The following TM4SF5 variants were observed in gnomAD, a reference collection of about 807,000 sequenced individuals.
TM4SF5 encodes the protein transmembrane 4 L6 family member 5.
A neutral mutation model predicts 22.3 loss-of-function variants in TM4SF5; 16 were observed. That is an observed-to-expected ratio of 0.72 (90% CI 0.49 to 1.09). The LOEUF (loss-of-function observed/expected upper bound fraction) is 1.09. Ranked by LOEUF, TM4SF5 falls within the 50% of genes least tolerant of loss-of-function variation. The pLI is 0.00. For synonymous variants in TM4SF5, 113 were observed against 109.6 expected (o/e 1.03, Z -0.19); for missense variants, 249 against 266.1 (o/e 0.94, Z 0.45).
intron 1 of TM4SF5, among the ~76,000 whole-genome samples, chr17:4,778,952 G>A (rs1189421939): frequency 1.3e-5 from 2 of 151,720 alleles, no homozygotes; most frequent in East Asian, 3.9e-4. Context: ...AGCTACTCAG[G>A]AGGCTGAGGC....
At chr17:4,776,137 C>T (rs1229486428) in intron 1 of TM4SF5, among the ~76,000 whole-genome samples, 1 of 152,150 alleles carries the variant, frequency 6.6e-6, no homozygotes, top group Non-Finnish European at 1.5e-5. Context: ...GCGTGAGCCA[C>T]CGCGCCTGGC....
Position 4,782,573 on chromosome 17 carries a change from C to G in TM4SF5, c.329C>G (p.Ala110Gly). 1 of 1,614,116 alleles carries G rather than the reference C, an allele frequency of 6.2e-7. No individual in the cohort carries two copies. The highest frequency in any genetic ancestry group is 8.5e-7 in the Non-Finnish European group (1 of 1,180,008). Reference sequence around the variant, plus strand: ...ATCTACTGCCTCTCGGTGTCTGGAGCTGGGCTCCGAAATGGACCCAGATGC... The same window carrying G: ...ATCTACTGCCTCTCGGTGTCTGGAGGTGGGCTCCGAAATGGACCCAGATGC... ...GAIYCLSVSG[A>G]GLRNGPRCLM... is the part of the protein sequence containing the mutation. The change falls in exon 3 of 5, where the codon GCT becomes GGT. Residue 110 changes from alanine (A) to glycine (G), a missense_variant. Ala to Gly is a moderately conservative substitution (Grantham distance 60, BLOSUM62 0). Transcript: ENST00000270560.
chr17:4,776,753 A>T (rs1426486864), intron 1 of TM4SF5, among the ~76,000 whole-genome samples: 1 of 152,222 alleles, frequency 6.6e-6, no homozygotes, highest in Non-Finnish European at 1.5e-5. Context: ...GATTCTTAAG[A>T]CATGCAAGTA....
At chr17:4,776,138 C>T (rs78694240) in intron 1 of TM4SF5, among the ~76,000 whole-genome samples, 1 of 152,088 alleles carries the variant, frequency 6.6e-6, no homozygotes, top group South Asian at 2.1e-4. Context: ...CGTGAGCCAC[C>T]GCGCCTGGCC....
At chr17:4,775,510 C>T (rs909619740) in intron 1 of TM4SF5, among the ~76,000 whole-genome samples, 4 of 151,900 alleles carry the variant, frequency 2.6e-5, no homozygotes, top group African/African-American at 7.3e-5. Flanking sequence ...GTGATCCACC[C>T]GCCTCGGCCT....
rs749853022 is a variant in TM4SF5, at chr17:4,772,021, G to A, written c.99G>A (p.Gly33=). The A allele has an allele frequency of 7.4e-6, 12 of 1,614,068 alleles. No individual in the cohort carries two copies. The highest frequency in any genetic ancestry group is 1.3e-5 in the African/African-American group (1 of 74,926). Residue 33 remains glycine, a synonymous_variant, in exon 1 of 5, where the codon GGG becomes GGA. Coordinates refer to ENST00000270560, the MANE Select transcript of TM4SF5 (RefSeq NM_003963.3). ...ACGCCCTCCTGCTGGTACCTAATGG[G>A]GAGACCTCCTGGACCAACACCAACC... ...VANALLLVPN[G]ETSWTNTNHL...
At chr17:4,772,203 G>T in intron 1 of TM4SF5, 104 bp downstream of exon 1, 1 of 1,444,350 alleles carries the variant, frequency 6.9e-7, no homozygotes. Context: ...TTGCTTGGGA[G>T]AGGATGGCAA....
intron 1 of TM4SF5, among the ~76,000 whole-genome samples, chr17:4,775,555 C>T (rs372152084): frequency 1.9e-4 from 29 of 152,042 alleles, no homozygotes; most frequent in Non-Finnish European, 2.2e-4. Context: ...TGAGCCACCG[C>T]GCCATGCCCT....
chr17:4,772,153 G>A, intron 1 of TM4SF5, 54 bp downstream of exon 1: 1 of 1,602,044 alleles, frequency 6.2e-7, no homozygotes, highest in Non-Finnish European at 8.5e-7. Context: ...CACCTAAGGG[G>A]TTCTGAACAG....
At chr17:4,782,822 C>G (rs769188504) in intron 3 of TM4SF5, 32 bp from the exon 4 acceptor site, 1 of 1,597,992 alleles carries the variant, frequency 6.3e-7, no homozygotes, top group Admixed American at 1.7e-5. Flanking sequence ...GCGCACGCTG[C>G]CTTCTCCCAC....
chr17:4,780,098 C>T (rs532132627), intron 1 of TM4SF5, among the ~76,000 whole-genome samples: 2 of 150,054 alleles, frequency 1.3e-5, no homozygotes, highest in South Asian at 2.1e-4. Context: ...TCTTATTGCC[C>T]GGGTTGGAGT....
At chr17:4,778,930 G>T (rs1917251544) in intron 1 of TM4SF5, among the ~76,000 whole-genome samples, 1 of 151,636 alleles carries the variant, frequency 6.6e-6, no homozygotes, top group Non-Finnish European at 1.5e-5. Flanking sequence ...GGTGGCATGT[G>T]CATGTAGTCC....
rs752495710 is a variant in TM4SF5, at chr17:4,774,471, G to T, written c.177+2372G>T. On this transcript the variant is annotated intron_variant, in intron 1 of 4. Transcript: ENST00000270560. ...TGCCTGTAGTCCTAGTTTGGGCCCA[G>T]AAATGAAAGATTGCAGTGAGCTATG... is the stretch of plus-strand genomic sequence containing the variant. 1.2e-3 allele frequency among the ~76,000 whole-genome samples: 181 copies of T among 151,086 alleles called. 1 individual carries two copies. Among genetic ancestry groups the T allele is most frequent in the Non-Finnish European group, 2.3e-3 (158 of 67,828 alleles).
At chr17:4,772,740 G>A (rs1917137532) in intron 1 of TM4SF5, among the ~76,000 whole-genome samples, 1 of 148,702 alleles carries the variant, frequency 6.7e-6, no homozygotes, top group Admixed American at 6.8e-5. Context: ...TTTTGAGACA[G>A]GGTCTCTCTC....
chr17:4,776,101 G>A (rs921005377), intron 1 of TM4SF5, among the ~76,000 whole-genome samples: 1 of 151,810 alleles, frequency 6.6e-6, no homozygotes, highest in South Asian at 2.1e-4. Context: ...CACCCACCTC[G>A]GCCTCCCCAA....
chr17:4,781,273 T>C (rs1917304930), intron 2 of TM4SF5, among the ~76,000 whole-genome samples: 1 of 146,376 alleles, frequency 6.8e-6, no homozygotes, highest in African/African-American at 2.6e-5. Context: ...GAGGTTGCAA[T>C]GGGCCGAGAT....
intron 1 of TM4SF5, among the ~76,000 whole-genome samples, chr17:4,775,403 C>T (rs534249363): frequency 2.0e-5 from 3 of 151,588 alleles, no homozygotes; most frequent in East Asian, 3.9e-4. Flanking sequence ...GGACTACAGG[C>T]GCCCGCCACC....
intron 1 of TM4SF5, among the ~76,000 whole-genome samples, chr17:4,777,524 T>G (rs1381666023): frequency 6.6e-6 from 1 of 152,056 alleles, no homozygotes; most frequent in Non-Finnish European, 1.5e-5. Context: ...GAGAATCGCT[T>G]GAGTCCCAGC....
rs776259050 is a variant in TM4SF5 at position 4,782,553 on chromosome 17, C to T, written c.309C>T (p.Tyr103=). ...CGTTCGGGGTGCTTGGTGCCATCTA[C>T]TGCCTCTCGGTGTCTGGAGCTGGGC... The part of the protein sequence containing the change: ...SSAFGVLGAI[Y]CLSVSGAGLR... The change falls in exon 3 of 5, where the codon TAC becomes TAT. Residue 103 remains tyrosine, a synonymous_variant. Coordinates refer to ENST00000270560, the MANE Select transcript of TM4SF5 (RefSeq NM_003963.3). 2.5e-6 allele frequency: 4 copies of T among 1,614,142 alleles called. No homozygotes were observed. The highest frequency in any genetic ancestry group is 1.1e-5 in the South Asian group (1 of 91,080).
Sources: allele counts gnomAD v4.1 joint callset (sites outside exome capture counted in the v4.1 genomes callset), GRCh38; gene constraint gnomAD v4.1.1; transcripts MANE v1.5; gene names NCBI Gene and HGNC (gene_info 2026-07-23, HGNC 2026-07-21).